ASXL1: variants seen among roughly 807,000 people sequenced by gnomAD.
ASXL1 encodes the protein polycomb group protein ASXL1.
ASXL1 carries 65 observed loss-of-function variants against 89.1 expected under a neutral mutation model. The ratio of observed to expected loss-of-function variants is 0.73; its 90% CI spans 0.60 to 0.90. The LOEUF (loss-of-function observed/expected upper bound fraction) is 0.90. ASXL1 is among the 40% of genes least tolerant of loss of function. The probability of loss-of-function intolerance (pLI) is 0.00; values close to 1 mark genes in which losing one functional copy is unlikely to be tolerated. For synonymous variants in ASXL1, 739 were observed against 746.9 expected, an observed-to-expected ratio of 0.99 and a Z score of 0.17; for missense variants, 1,786 against 1,942.9, an observed-to-expected ratio of 0.92 and a Z score of 1.52.
chr20:32,392,625 T>C (rs898686055), intron 4 of ASXL1, among the ~76,000 whole-genome samples: 1 of 150,948 alleles, frequency 6.6e-6, no homozygotes, highest in African/African-American at 2.4e-5. Context: ...CTGAAATCTT[T>C]CCTCTTTTCT....
At chr20:32,401,755 C>T (rs1215793515) in intron 4 of ASXL1, among the ~76,000 whole-genome samples, 1 of 152,050 alleles carries the variant, frequency 6.6e-6, no homozygotes, top group Non-Finnish European at 1.5e-5. Context: ...GGGGTTTCAC[C>T]ATGTTGGCCA....
chr20:32,381,191 G>A (rs935484676), intron 4 of ASXL1, among the ~76,000 whole-genome samples: 6 of 152,180 alleles, frequency 3.9e-5, no homozygotes, highest in African/African-American at 1.4e-4. Context: ...AGTAGAAGTA[G>A]TAGAAGAGAA....
chr20:32,378,826 C>G (rs1288401378), intron 4 of ASXL1, among the ~76,000 whole-genome samples: 1 of 151,842 alleles, frequency 6.6e-6, no homozygotes, highest in Non-Finnish European at 1.5e-5. Context: ...AAAACACCCT[C>G]AACTAAATAT....
intron 4 of ASXL1, among the ~76,000 whole-genome samples, chr20:32,376,698 A>C (rs2048383765): frequency 6.6e-6 from 1 of 151,668 alleles, no homozygotes; most frequent in Admixed American, 6.6e-5. Flanking sequence ...GCTTACGTGC[A>C]GAATGGCTTG....
chr20:32,384,208 T>TG (rs200790926), intron 4 of ASXL1, among the ~76,000 whole-genome samples: 234 of 138,812 alleles, frequency 1.7e-3, no homozygotes, highest in African/African-American at 6.6e-3. Flanking sequence ...GTTTTTTTTT[T>TG]TTTTTTTTTT....
chr20:32,359,659 C>A (rs1265880933), intron 1 of ASXL1: 2 of 717,044 alleles, frequency 2.8e-6, no homozygotes, highest in Admixed American at 2.0e-5. Flanking sequence ...TGGACAAAGA[C>A]AAAGTATCTC....
chr20:32,381,177 C>T (rs886676625), intron 4 of ASXL1, among the ~76,000 whole-genome samples: 1 of 152,112 alleles, frequency 6.6e-6, no homozygotes, highest in African/African-American at 2.4e-5. Flanking sequence ...AAGCTGGCTT[C>T]GGTAGTAGAA....
intron 1 of ASXL1, among the ~76,000 whole-genome samples, chr20:32,363,915 G>T (rs1181097953): frequency 6.6e-6 from 1 of 152,170 alleles, no homozygotes; most frequent in Non-Finnish European, 1.5e-5. Context: ...GGGTAGAGAG[G>T]CAGAGACCAG....
chr20:32,393,258 C>T (rs539859977), intron 4 of ASXL1, among the ~76,000 whole-genome samples: 3 of 152,116 alleles, frequency 2.0e-5, no homozygotes, highest in African/African-American at 7.2e-5. Context: ...TTTGAAATGA[C>T]AGAACTTACT....
In ASXL1 at chr20:32,437,431, T is replaced by C. The variant is rs1312983165; in HGVS notation, c.*93T>C. ...TGTATACAGAATATCATTGATATAA[T>C]ACTCTTTAGGCAGGAGCACTCTTGC... On this transcript the variant is annotated 3_prime_UTR_variant, in exon 13 of 13. Coordinates refer to ENST00000375687, the MANE Select transcript of ASXL1 (RefSeq NM_015338.6). 3 of 1,556,952 alleles carry C rather than the reference T, an allele frequency of 1.9e-6. No homozygotes were observed. The highest frequency in any genetic ancestry group is 2.7e-6 in the Non-Finnish European group (3 of 1,131,094).
chr20:32,359,166 G>A (rs2048066681), intron 1 of ASXL1: 2 of 677,836 alleles, frequency 3.0e-6, no homozygotes, highest in Admixed American at 4.2e-5. Flanking sequence ...TGGGGGTCTG[G>A]GGCAGCTTCG....
rs2011778235 is a variant in ASXL1, at chr20:32,435,470, C to A, written c.2758C>A (p.Pro920Thr). The stretch of plus-strand genomic sequence containing the variant: ...CAAACCAGAATCCAGAGAACACATA[C>A]CATCTGTTGAGCCCCAGGTTGGAGA... The part of the protein sequence containing the change: ...QPKPESREHI[P>T]SVEPQVGEEW... Residue 920 changes from proline (P) to threonine (T), a missense_variant, in exon 13 of 13, where the codon CCA (proline) becomes ACA (threonine). Pro to Thr is a conservative substitution (Grantham distance 38). This residue lies in a region of ASXL1 where 1,418 missense variants were observed against 1,427.8 expected (regional missense o/e 0.99). Transcript: ENST00000375687. The A allele has an allele frequency of 6.2e-7, 1 of 1,613,980 alleles. No homozygotes were observed.
chr20:32,431,745 G>A, intron 10 of ASXL1, 66 bp downstream of exon 10: 2 of 1,532,778 alleles, frequency 1.3e-6, no homozygotes, highest in South Asian at 1.1e-5. Flanking sequence ...CATGTCTCCT[G>A]GTATTTAAAA....
intron 4 of ASXL1, among the ~76,000 whole-genome samples, chr20:32,394,343 G>A (rs1395206106): frequency 1.3e-5 from 2 of 151,786 alleles, no homozygotes; most frequent in African/African-American, 4.8e-5. Flanking sequence ...TTGCCATGTT[G>A]GCCAAGCAGG....
At position 32,435,105 on chromosome 20, in the gene ASXL1, GTGA is replaced by G; in HGVS notation, c.2400_2402del (p.Asp800del). On this transcript the variant is annotated inframe_deletion, in exon 13 of 13. Transcript: ENST00000375687. ...GAGTCTGGCACCACTTCCTGGGAAA[GTGA>G]TGATGAGGAGCAAGGACCCACCGTT... 6.2e-7 allele frequency: 1 copy of G among 1,614,018 alleles called. No individual in the cohort carries two copies. Among genetic ancestry groups the G allele is most frequent in the Non-Finnish European group, 8.5e-7 (1 of 1,180,026 alleles).
chr20:32,404,395 G>A (rs1021147301), intron 4 of ASXL1, among the ~76,000 whole-genome samples: 4 of 151,892 alleles, frequency 2.6e-5, no homozygotes, highest in Non-Finnish European at 5.9e-5. Context: ...GTTTTTTTTG[G>A]TAAACTATTA....
At position 32,422,834 on chromosome 20, in the gene ASXL1, C is replaced by G. The variant is rs368757176; in HGVS notation, c.253-5294C>G. Among the ~76,000 whole-genome samples the G allele has an allele frequency of 1.5e-3, 233 of 152,176 alleles. 2 individuals carry two copies. In the South Asian group the frequency reaches 0.023, roughly 15 times the overall value. On this transcript the variant is annotated intron_variant, in intron 4 of 12. Coordinates refer to ENST00000375687, the MANE Select transcript of ASXL1 (RefSeq NM_015338.6). ...ACTCCTGACCTTGTGATCCACCCGCCTTGGCCTCCCAAAGTGCTGGGATTG... is the reference window on the plus strand; with the variant it reads ...ACTCCTGACCTTGTGATCCACCCGCGTTGGCCTCCCAAAGTGCTGGGATTG...
At chr20:32,377,460 G>A (rs539023033) in intron 4 of ASXL1, among the ~76,000 whole-genome samples, 1 of 152,012 alleles carries the variant, frequency 6.6e-6, no homozygotes, top group African/African-American at 2.4e-5. Context: ...GTTTTTCTGG[G>A]TAATGTGATG....
intron 4 of ASXL1, among the ~76,000 whole-genome samples, chr20:32,407,062 G>A (rs890957072): frequency 6.6e-6 from 1 of 151,884 alleles, no homozygotes; most frequent in South Asian, 2.1e-4. Flanking sequence ...AAATATATAG[G>A]TGGGCTTGGT....
Sources: gnomAD v4.1 joint callset for allele counts (sites outside exome capture counted in the v4.1 genomes callset) on GRCh38, gnomAD v4.1.1 for gene constraint, gnomAD v4.1.1 regional missense constraint, MANE v1.5 for transcripts, NCBI Gene and HGNC (gene_info 2026-07-23, HGNC 2026-07-21) for gene names.